SLC35D4: variants seen among roughly 807,000 people sequenced by gnomAD.
SLC35D4 encodes UDP-N-acetylglucosamine transporter SLC35D4.
chr18:23,432,680 CAAAAA>C, the SLC35D4 span, among the ~76,000 whole-genome samples: 2 of 80,290 alleles, frequency 2.5e-5, no homozygotes, highest in Non-Finnish European at 5.2e-5. Flanking sequence ...GACTCCTTCT[CAAAAA>C]AAAAAAAAAA....
chr18:23,303,768 G>A, the SLC35D4 span, among the ~76,000 whole-genome samples: 1 of 152,100 alleles, frequency 6.6e-6, no homozygotes, highest in East Asian at 1.9e-4. Context: ...GGGCATGGTG[G>A]CGTGTGCCTG....
the SLC35D4 span, among the ~76,000 whole-genome samples, chr18:23,250,777 G>C: frequency 1.3e-5 from 2 of 152,222 alleles, no homozygotes; most frequent in African/African-American, 4.8e-5. Context: ...AGAGGAGGAA[G>C]AAGTGGCATT....
At chr18:23,355,819 G>A in the SLC35D4 span, among the ~76,000 whole-genome samples, 1 of 152,114 alleles carries the variant, frequency 6.6e-6, no homozygotes, top group Admixed American at 6.5e-5. Context: ...ATTGGGCCAG[G>A]CACAAAGCTT....
At chr18:23,306,370 G>A in the SLC35D4 span, among the ~76,000 whole-genome samples, 18 of 152,064 alleles carry the variant, frequency 1.2e-4, no homozygotes, top group African/African-American at 3.9e-4. Context: ...GCAATGGCGC[G>A]ATCTCGGCTC....
the SLC35D4 span, among the ~76,000 whole-genome samples, chr18:23,374,444 G>A: frequency 6.6e-6 from 1 of 151,482 alleles, no homozygotes; most frequent in Admixed American, 6.6e-5. Context: ...AAAAAACTGA[G>A]GAACTGTTCT....
At chr18:23,352,603 T>C in the SLC35D4 span, among the ~76,000 whole-genome samples, 1 of 152,102 alleles carries the variant, frequency 6.6e-6, no homozygotes, top group South Asian at 2.1e-4. Flanking sequence ...CCATAGAACT[T>C]CTGGAGTTTT....
At chr18:23,274,862 C>T in the SLC35D4 span, among the ~76,000 whole-genome samples, 1 of 152,204 alleles carries the variant, frequency 6.6e-6, no homozygotes. Flanking sequence ...CCCATCGCCT[C>T]AGGCCTTAGA....
the SLC35D4 span, among the ~76,000 whole-genome samples, chr18:23,241,123 T>C: frequency 6.6e-6 from 1 of 152,218 alleles, no homozygotes; most frequent in East Asian, 1.9e-4. Flanking sequence ...TGAAACTTCA[T>C]GTGAATAGGA....
At chr18:23,314,716 G>C in the SLC35D4 span, among the ~76,000 whole-genome samples, 1 of 152,248 alleles carries the variant, frequency 6.6e-6, no homozygotes, top group Admixed American at 6.5e-5. Flanking sequence ...CTTATAAAAA[G>C]CACTTTAAAA....
At chr18:23,362,904 C>A in the SLC35D4 span, among the ~76,000 whole-genome samples, 1 of 152,142 alleles carries the variant, frequency 6.6e-6, no homozygotes, top group African/African-American at 2.4e-5. Context: ...AATGAACAAG[C>A]ACAACCTCTT....
chr18:23,399,477 TTTGCCC>T, the SLC35D4 span: 16 of 1,154,602 alleles, frequency 1.4e-5, no homozygotes, highest in Non-Finnish European at 2.1e-5. Context: ...AAAGTGATTC[TTTGCCC>T]TTATTGAGCT....
At chr18:23,421,658 T>C in the SLC35D4 span, among the ~76,000 whole-genome samples, 5 of 151,834 alleles carry the variant, frequency 3.3e-5, no homozygotes, top group Non-Finnish European at 7.4e-5. Flanking sequence ...AGTACTGACA[T>C]TGACATTCTT....
the SLC35D4 span, among the ~76,000 whole-genome samples, chr18:23,388,220 C>G: frequency 6.6e-6 from 1 of 152,158 alleles, no homozygotes; most frequent in South Asian, 2.1e-4. Flanking sequence ...TTCCTAGGCC[C>G]TTACTCTGAT....
chr18:23,365,634 C>T, the SLC35D4 span: 1 of 1,613,608 alleles, frequency 6.2e-7, no homozygotes, highest in African/African-American at 1.3e-5. Context: ...GGGCATTTAC[C>T]TGTGGGATGA....
chr18:23,283,498 G>GAAAGA, the SLC35D4 span, among the ~76,000 whole-genome samples: 1 of 139,342 alleles, frequency 7.2e-6, no homozygotes, highest in Admixed American at 7.2e-5. Flanking sequence ...AAAAAAGAAA[G>GAAAGA]AAAGAAAAGA....
the SLC35D4 span, among the ~76,000 whole-genome samples, chr18:23,431,716 T>C: frequency 6.6e-6 from 1 of 152,314 alleles, no homozygotes; most frequent in South Asian, 2.1e-4. Flanking sequence ...AAGGTCAATT[T>C]CTATTTCTCT....
At chr18:23,311,573 T>C in the SLC35D4 span, among the ~76,000 whole-genome samples, 1 of 152,214 alleles carries the variant, frequency 6.6e-6, no homozygotes, top group African/African-American at 2.4e-5. Context: ...CAGTTATAGA[T>C]GATCTTGACT....
chr18:23,436,017 CACA>C, the SLC35D4 span, among the ~76,000 whole-genome samples: 3 of 148,794 alleles, frequency 2.0e-5, no homozygotes, highest in Non-Finnish European at 4.4e-5. Flanking sequence ...CATTAACTCT[CACA>C]ACAACACTTT....
the SLC35D4 span, among the ~76,000 whole-genome samples, chr18:23,336,777 C>T: frequency 6.6e-6 from 1 of 152,152 alleles, no homozygotes; most frequent in Non-Finnish European, 1.5e-5. Flanking sequence ...TCTGTGATTA[C>T]CGTTCACCAT....
Sources: gnomAD v4.1 joint callset for allele counts (sites outside exome capture counted in the v4.1 genomes callset) on GRCh38, gnomAD v4.1.1 for gene constraint, MANE v1.5 for transcripts, NCBI Gene and HGNC (gene_info 2026-07-23, HGNC 2026-07-21) for gene names.